The following MEGF10 variants were observed in gnomAD, a reference collection of about 807,000 sequenced individuals.
MEGF10 encodes multiple EGF like domains 10, also known as multiple epidermal growth factor-like domains protein 10.
MEGF10 carries 86 observed loss-of-function variants against 147.5 expected under a neutral mutation model. That is an observed-to-expected ratio of 0.58 (90% CI 0.49 to 0.70). The LOEUF is 0.70. MEGF10 is among the 30% of genes least tolerant of loss of function. MEGF10 has a pLI of 0.00. For missense variants in MEGF10, 1,329 were observed against 1,487.3 expected, an observed-to-expected ratio of 0.89 and a Z score of 1.75; for synonymous variants, 478 against 525.5, an observed-to-expected ratio of 0.91 and a Z score of 1.24.
intron 1 of MEGF10, among the ~76,000 whole-genome samples, chr5:127,326,167 G>A (rs7705580): frequency 6.6e-6 from 1 of 151,404 alleles, no homozygotes; most frequent in Non-Finnish European, 1.5e-5. Context: ...CTCCTACCTC[G>A]GCTTCCCAAA....
chr5:127,331,199 T>C (rs1280097871), intron 1 of MEGF10, 92 bp from the exon 2 acceptor site: 20 of 674,648 alleles, frequency 3.0e-5, no homozygotes, highest in Admixed American at 1.5e-4. Context: ...TCAGCCCCAC[T>C]GACAACTGGT....
intron 1 of MEGF10, among the ~76,000 whole-genome samples, chr5:127,323,383 A>T (rs1445802316): frequency 5.3e-5 from 8 of 152,238 alleles, no homozygotes; most frequent in African/African-American, 1.9e-4. Flanking sequence ...TGTGTGGAAG[A>T]ATAGCAGATG....
At chr5:127,325,187 C>T (rs1247081462) in intron 1 of MEGF10, among the ~76,000 whole-genome samples, 1 of 152,170 alleles carries the variant, frequency 6.6e-6, no homozygotes, top group Non-Finnish European at 1.5e-5. Context: ...CATGAGCCTT[C>T]ATAGCTCTTG....
At position 127,434,763 on chromosome 5, in the gene MEGF10, C is replaced by A. The variant is rs1052445971; in HGVS notation, c.1917C>A (p.His639Gln). The A allele has an allele frequency of 6.2e-7, 1 of 1,613,966 alleles. No homozygotes were observed. Among genetic ancestry groups the A allele is most frequent in the African/African-American group, 1.3e-5 (1 of 75,058 alleles). The change falls in exon 15 of 25, where the codon CAC becomes CAA. Residue 639 changes from histidine (H) to glutamine (Q), a missense_variant. His to Gln is a conservative substitution (Grantham distance 24, BLOSUM62 0). Coordinates refer to ENST00000503335, the MANE Select transcript of MEGF10 (RefSeq NM_001256545.2). ...GCGTTCACAGCAGCGGGCCCTGCCA[C>A]CACATCACCGGCCTGTGTGACTGCT... ...PQCVHSSGPC[H>Q]HITGLCDCLP...
chr5:127,414,377 T>C (rs1468270448), intron 9 of MEGF10, among the ~76,000 whole-genome samples: 1 of 151,974 alleles, frequency 6.6e-6, no homozygotes, highest in East Asian at 1.9e-4. Context: ...CCATCTAGGA[T>C]GGCTGTGAGG....
upstream of MEGF10, among the ~76,000 whole-genome samples, chr5:127,290,096 C>G (rs989774285): frequency 6.6e-6 from 1 of 152,166 alleles, no homozygotes; most frequent in African/African-American, 2.4e-5. Context: ...GGGGCCTCCT[C>G]GGCGAGTCGG....
intron 5 of MEGF10, among the ~76,000 whole-genome samples, chr5:127,395,206 A>G (rs890344709): frequency 7.9e-5 from 12 of 151,958 alleles, no homozygotes; most frequent in Non-Finnish European, 1.5e-4. Flanking sequence ...GTTTATCATC[A>G]CCCTCTTTAA....
At chr5:127,398,274 A>T (rs1194693129) in intron 6 of MEGF10, among the ~76,000 whole-genome samples, 3 of 152,204 alleles carry the variant, frequency 2.0e-5, no homozygotes, top group Non-Finnish European at 4.4e-5. Flanking sequence ...ATGTGCACAA[A>T]GGGTGTGATG....
chr5:127,318,337 A>G (rs1012662126), intron 1 of MEGF10, among the ~76,000 whole-genome samples: 1 of 152,216 alleles, frequency 6.6e-6, no homozygotes. Flanking sequence ...GTATCTTTAC[A>G]GTAAAAAGTC....
At chr5:127,327,284 ACT>A (rs1228111375) in intron 1 of MEGF10, among the ~76,000 whole-genome samples, 1 of 151,980 alleles carries the variant, frequency 6.6e-6, no homozygotes, top group Non-Finnish European at 1.5e-5. Context: ...CATGCAAATG[ACT>A]CTTTATTTTT....
chr5:127,389,721 G>A (rs1400143311), intron 5 of MEGF10, among the ~76,000 whole-genome samples: 3 of 152,070 alleles, frequency 2.0e-5, no homozygotes, highest in South Asian at 2.1e-4. Context: ...GCTAAATACC[G>A]AGAACACATG....
At chr5:127,452,608 C>G (rs1360896012) in intron 22 of MEGF10, among the ~76,000 whole-genome samples, 1 of 151,844 alleles carries the variant, frequency 6.6e-6, no homozygotes, top group Non-Finnish European at 1.5e-5. Context: ...TGACTCCCAT[C>G]ATGTAGACAT....
At chr5:127,284,458 C>T in the MEGF10 span, among the ~76,000 whole-genome samples, 2 of 151,692 alleles carry the variant, frequency 1.3e-5, no homozygotes, top group Admixed American at 1.3e-4. Context: ...TTTGAGGAAC[C>T]ACAGTAAGCA....
intron 6 of MEGF10, among the ~76,000 whole-genome samples, chr5:127,398,146 T>G (rs984220336): frequency 1.3e-5 from 2 of 151,910 alleles, no homozygotes; most frequent in Non-Finnish European, 1.5e-5. Context: ...GACAGGTTGA[T>G]AGGTGCAGCA....
At chr5:127,422,805 A>G in intron 13 of MEGF10, 33 bp downstream of exon 13, 1 of 1,529,240 alleles carries the variant, frequency 6.5e-7, no homozygotes, top group Non-Finnish European at 9.0e-7. Flanking sequence ...TGAAAGGTGA[A>G]ACCCGCCAAT....
intron 4 of MEGF10, among the ~76,000 whole-genome samples, chr5:127,362,480 C>T (rs986191288): frequency 1.4e-4 from 22 of 151,948 alleles, no homozygotes; most frequent in African/African-American, 5.3e-4. Context: ...CGCCATTCTC[C>T]TGCCTCCCGA....
intron 4 of MEGF10, among the ~76,000 whole-genome samples, chr5:127,360,148 C>A (rs1762419926): frequency 6.6e-6 from 1 of 152,020 alleles, no homozygotes; most frequent in Non-Finnish European, 1.5e-5. Flanking sequence ...TGATTGACAG[C>A]TTTTTTCAAT....
intron 5 of MEGF10, among the ~76,000 whole-genome samples, chr5:127,391,723 C>T (rs957840835): frequency 2.0e-5 from 3 of 152,092 alleles, no homozygotes; most frequent in Admixed American, 6.6e-5. Context: ...ATCTAATCAT[C>T]ATCGTCAAAC....
chr5:127,370,289 A>G (rs1199501280), intron 5 of MEGF10, among the ~76,000 whole-genome samples: 1 of 152,170 alleles, frequency 6.6e-6, no homozygotes, highest in East Asian at 1.9e-4. Context: ...TAGGGTCCAC[A>G]ATTTAGATTC....
Sources: allele counts gnomAD v4.1 joint callset (sites outside exome capture counted in the v4.1 genomes callset), GRCh38; gene constraint gnomAD v4.1.1; transcripts MANE v1.5; gene names NCBI Gene and HGNC (gene_info 2026-07-23, HGNC 2026-07-21).